The following ZNF385D variants were observed in gnomAD, a reference collection of about 807,000 sequenced individuals.
ZNF385D encodes the protein zinc finger protein 659.
Under a neutral mutation model 35.8 loss-of-function variants are expected in ZNF385D, and 15 were observed. The ratio of observed to expected loss-of-function variants is 0.42; its 90% CI spans 0.28 to 0.64. ZNF385D has a LOEUF of 0.64. ZNF385D is among the 30% of genes least tolerant of loss of function. The pLI is 0.23. For missense variants in ZNF385D, 474 were observed against 494.6 expected, an observed-to-expected ratio of 0.96 and a Z score of 0.39; for synonymous variants, 212 against 186.8, an observed-to-expected ratio of 1.13 and a Z score of -1.10.
intron 2 of ZNF385D, among the ~76,000 whole-genome samples, chr3:21,572,533 C>G (rs892169627): frequency 6.6e-6 from 1 of 152,074 alleles, no homozygotes; most frequent in African/African-American, 2.4e-5. Context: ...GTCCTTTTGT[C>G]CAATCACATT....
At chr3:21,469,145 C>G (rs1321370292) in intron 4 of ZNF385D, among the ~76,000 whole-genome samples, 15 of 152,128 alleles carry the variant, frequency 9.9e-5, no homozygotes. Flanking sequence ...TTGAACTATT[C>G]ATTTGAAATC....
intron 3 of ZNF385D, among the ~76,000 whole-genome samples, chr3:21,905,205 CAAAAA>C (rs63147760): frequency 2.9e-5 from 2 of 69,730 alleles, no homozygotes; most frequent in African/African-American, 5.7e-5. Flanking sequence ...ACAAAAAATC[CAAAAA>C]AAAAAAAAAA....
At chr3:21,596,737 C>T (rs2064139370) in intron 2 of ZNF385D, among the ~76,000 whole-genome samples, 1 of 151,716 alleles carries the variant, frequency 6.6e-6, no homozygotes, top group Non-Finnish European at 1.5e-5. Context: ...CCCCAGCCTT[C>T]CAAAGTATTG....
At chr3:21,482,262 G>T (rs1306529060) in intron 4 of ZNF385D, among the ~76,000 whole-genome samples, 1 of 151,798 alleles carries the variant, frequency 6.6e-6, no homozygotes, top group Non-Finnish European at 1.5e-5. Context: ...AGTCAGTAAA[G>T]GGTGACCCAT....
intron 1 of ZNF385D, among the ~76,000 whole-genome samples, chr3:21,732,136 G>A (rs533136745): frequency 6.8e-5 from 9 of 131,734 alleles, no homozygotes; most frequent in African/African-American, 1.1e-4. Context: ...TGCAACCTCC[G>A]CCTCCCAGGT....
At chr3:21,457,830 G>A (rs1180949558) in intron 4 of ZNF385D, among the ~76,000 whole-genome samples, 2 of 152,182 alleles carry the variant, frequency 1.3e-5, no homozygotes, top group Non-Finnish European at 2.9e-5. Context: ...AAGTAATTCT[G>A]CACTAGCCCT....
intron 2 of ZNF385D, among the ~76,000 whole-genome samples, chr3:22,171,726 A>G (rs1018451898): frequency 3.3e-5 from 5 of 151,736 alleles, no homozygotes; most frequent in African/African-American, 1.2e-4. Context: ...AAATACAAGA[A>G]ATTAGCCGGG....
intron 3 of ZNF385D, among the ~76,000 whole-genome samples, chr3:22,059,940 T>C (rs1699607532): frequency 6.6e-6 from 1 of 152,200 alleles, no homozygotes; most frequent in South Asian, 2.1e-4. Flanking sequence ...TCATTGAAGA[T>C]CCAGATAGAC....
At chr3:22,193,328 T>C (rs1488952084) in intron 2 of ZNF385D, among the ~76,000 whole-genome samples, 1 of 152,092 alleles carries the variant, frequency 6.6e-6, no homozygotes, top group Non-Finnish European at 1.5e-5. Context: ...TTAGTCATTG[T>C]TTGTACACAT....
At chr3:21,730,918 A>T (rs2068967020) in intron 1 of ZNF385D, among the ~76,000 whole-genome samples, 1 of 152,144 alleles carries the variant, frequency 6.6e-6, no homozygotes, top group South Asian at 2.1e-4. Context: ...AATTTTACTT[A>T]ATGCTTTTCC....
intron 3 of ZNF385D, among the ~76,000 whole-genome samples, chr3:22,032,186 C>A (rs1698041608): frequency 6.6e-6 from 1 of 152,202 alleles, no homozygotes; most frequent in East Asian, 1.9e-4. Context: ...CCACATCTTC[C>A]TGTCTTCTTC....
chr3:22,354,235 C>T (rs902196463), intron 2 of ZNF385D, among the ~76,000 whole-genome samples: 5 of 152,058 alleles, frequency 3.3e-5, no homozygotes, highest in African/African-American at 7.2e-5. Context: ...AAGCTATGAA[C>T]ATTTTCTGTA....
At chr3:21,763,763 G>T (rs1278001314) in intron 3 of ZNF385D, among the ~76,000 whole-genome samples, 1 of 145,812 alleles carries the variant, frequency 6.9e-6, no homozygotes, top group African/African-American at 2.4e-5. Flanking sequence ...TTCAGAAACT[G>T]TGAACAGTAA....
rs116265649 is a variant in ZNF385D at position 22,329,365 on chromosome 3, C to T, written c.106+43085G>A. Among the ~76,000 whole-genome samples the T allele has an allele frequency of 9.3e-3, 1,412 of 152,140 alleles. 20 individuals are homozygous for T. The highest frequency in any genetic ancestry group is 0.032 in the African/African-American group (1,310 of 41,510). On this transcript the variant is annotated intron_variant, in intron 2 of 5. Transcript: ENST00000494108. Reference sequence around the variant, plus strand: ...ACATTACTCCATTTTCTGTGATCTCCAGAGGAATCTACATCAGTTCAAGTG... The same window carrying T: ...ACATTACTCCATTTTCTGTGATCTCTAGAGGAATCTACATCAGTTCAAGTG...
At chr3:22,187,426 A>G (rs1695711897) in intron 2 of ZNF385D, among the ~76,000 whole-genome samples, 1 of 152,128 alleles carries the variant, frequency 6.6e-6, no homozygotes, top group Non-Finnish European at 1.5e-5. Context: ...ATCAACTTAT[A>G]AAATATGAAA....
At chr3:22,171,584 C>T (rs1694429853) in intron 2 of ZNF385D, among the ~76,000 whole-genome samples, 1 of 152,020 alleles carries the variant, frequency 6.6e-6, no homozygotes, top group Non-Finnish European at 1.5e-5. Flanking sequence ...CATCATAAAA[C>T]ATTTACAGAT....
rs570211335 is a variant in ZNF385D, at chr3:22,246,735, G to A, written c.107-77700C>T. 2.0e-5 allele frequency among the ~76,000 whole-genome samples: 3 copies of A among 152,202 alleles called. No homozygotes were observed. In the South Asian group the frequency reaches 6.2e-4, roughly 32 times the overall value. ...TTATTCTTATTATGAAGGTAGAAAA[G>A]ATGGAAACCCAAATGACTTTCAGAG... On this transcript the variant is annotated intron_variant, in intron 2 of 5. Transcript: ENST00000494108.
chr3:22,127,317 CTTTTTTTTTTTTTTTTTTTT>C lies in ZNF385D; in HGVS notation c.325+41480_325+41499del, dbSNP rs71044975. Among the ~76,000 whole-genome samples the C allele has an allele frequency of 9.8e-4, 55 of 56,332 alleles. 1 individual carries two copies. Among genetic ancestry groups the C allele is most frequent in the African/African-American group, 1.7e-3 (22 of 12,750 alleles). 37.0% of individuals were successfully genotyped at this position (56,332 alleles called of 152,430 possible). ...TCTGGTAGTATGTTTTCATTTCCTG[CTTTTTTTTTTTTTTTTTTTT>C]TTTTTTTTTTTTTTTTTTTTGAGAC... is the stretch of plus-strand genomic sequence containing the variant. On this transcript the variant is annotated intron_variant, in intron 3 of 5. Transcript: ENST00000494108.
chr3:22,177,074 C>T (rs1484360143), intron 2 of ZNF385D, among the ~76,000 whole-genome samples: 3 of 152,136 alleles, frequency 2.0e-5, no homozygotes, highest in Admixed American at 1.3e-4. Flanking sequence ...CTTCTTGAAT[C>T]AGTCATGCCA....
Sources: allele counts gnomAD v4.1 joint callset (sites outside exome capture counted in the v4.1 genomes callset), GRCh38; gene constraint gnomAD v4.1.1; transcripts MANE v1.5; gene names NCBI Gene and HGNC (gene_info 2026-07-23, HGNC 2026-07-21).